Variants in HS6ST3 observed in about 807,000 individuals in gnomAD.
HS6ST3 encodes the protein heparan-sulfate 6-O-sulfotransferase 3.
A neutral mutation model predicts 36.7 loss-of-function variants in HS6ST3; 12 were observed. That is an observed-to-expected ratio of 0.33 (90% CI 0.21 to 0.53). HS6ST3 has a LOEUF of 0.53. Ranked by LOEUF, HS6ST3 falls within the 20% of genes least tolerant of loss-of-function variation. The probability of loss-of-function intolerance (pLI) is 0.95; values close to 1 mark genes in which losing one functional copy is unlikely to be tolerated. For synonymous variants in HS6ST3, 240 were observed against 257.5 expected, an observed-to-expected ratio of 0.93 and a Z score of 0.65; for missense variants, 584 against 640.9, an observed-to-expected ratio of 0.91 and a Z score of 0.96.
rs1375367859 is a variant in HS6ST3 at position 96,837,929 on chromosome 13, A to G, written c.*4731A>G. ...ACTTTGTCAGCAACATACTGCTTTCATTCTTAAAGGTTTCATTGGCTGTTA... is the reference window on the plus strand; with the variant it reads ...ACTTTGTCAGCAACATACTGCTTTCGTTCTTAAAGGTTTCATTGGCTGTTA... On this transcript the variant is annotated 3_prime_UTR_variant, in exon 2 of 2. Transcript: ENST00000376705. The G allele has an allele frequency of 6.6e-6, 1 of 151,906 alleles. No homozygotes were observed. Among genetic ancestry groups the G allele is most frequent in the Admixed American group, 6.6e-5 (1 of 15,258 alleles). The allele number at this position is 151,906 out of a possible 1,614,324, so 9.4% of individuals were successfully genotyped here.
At chr13:96,768,177 C>T (rs1020480616) in intron 1 of HS6ST3, among the ~76,000 whole-genome samples, 2 of 152,172 alleles carry the variant, frequency 1.3e-5, no homozygotes, top group Non-Finnish European at 2.9e-5. Flanking sequence ...CTCCAACCTC[C>T]TCCTCTCTTT....
intron 1 of HS6ST3, among the ~76,000 whole-genome samples, chr13:96,829,534 A>C (rs28507869): frequency 0.053 from 8,019 of 152,050 alleles, 242 homozygotes; most frequent in Middle Eastern, 0.11. Flanking sequence ...CTATGTGTCC[A>C]TGTGTTCTCA....
chr13:96,453,843 A>T (rs1010691806), intron 1 of HS6ST3, among the ~76,000 whole-genome samples: 1 of 152,158 alleles, frequency 6.6e-6, no homozygotes, highest in Non-Finnish European at 1.5e-5. Context: ...TTCTTGGCTA[A>T]CTTTTGCTGG....
rs553158355 is a variant in HS6ST3, at chr13:96,271,676, G to C, written c.707+180107G>C. On this transcript the variant is annotated intron_variant, in intron 1 of 1. Transcript: ENST00000376705. Reference sequence around the variant, plus strand: ...GCAAGTGCTTGGGAGAAGGTGACATGTAGGAATTTACGCAGAAGCTGTCTG... The same window carrying C: ...GCAAGTGCTTGGGAGAAGGTGACATCTAGGAATTTACGCAGAAGCTGTCTG... 2.6e-5 allele frequency among the ~76,000 whole-genome samples: 4 copies of C among 152,118 alleles called. No homozygotes were observed. In the South Asian group the frequency reaches 8.3e-4, roughly 32 times the overall value.
At chr13:96,697,323 T>C (rs995594834) in intron 1 of HS6ST3, among the ~76,000 whole-genome samples, 1 of 151,762 alleles carries the variant, frequency 6.6e-6, no homozygotes, top group Non-Finnish European at 1.5e-5. Flanking sequence ...AATCTAACAA[T>C]TGGAAAATAT....
intron 1 of HS6ST3, among the ~76,000 whole-genome samples, chr13:96,417,438 ATGGC>A (rs2055538942): frequency 6.6e-6 from 1 of 152,128 alleles, no homozygotes. Context: ...ATTAGAGAAT[ATGGC>A]TGTCAATGTA....
intron 1 of HS6ST3, among the ~76,000 whole-genome samples, chr13:96,611,416 A>G (rs2056456901): frequency 6.6e-6 from 1 of 152,198 alleles, no homozygotes; most frequent in Non-Finnish European, 1.5e-5. Context: ...CAAATATTTT[A>G]TTTCAACAAA....
chr13:96,159,099 G>T (rs561943395), intron 1 of HS6ST3, among the ~76,000 whole-genome samples: 1 of 152,166 alleles, frequency 6.6e-6, no homozygotes, highest in Non-Finnish European at 1.5e-5. Context: ...GGAGCAGTTG[G>T]GGGTACAGAC....
chr13:96,747,140 C>A lies in HS6ST3; in HGVS notation c.708-85350C>A, dbSNP rs35616921. The stretch of plus-strand genomic sequence containing the variant: ...ATATGGCAACAGCAGATTGCTGATG[C>A]ATTCCAGCTTTTAAGTGGGATGTTG... On this transcript the variant is annotated intron_variant, in intron 1 of 1. Coordinates refer to ENST00000376705, the MANE Select transcript of HS6ST3 (RefSeq NM_153456.4). Among the ~76,000 whole-genome samples, 108 of 152,198 alleles carry A rather than the reference C, an allele frequency of 7.1e-4. 2 individuals are homozygous for A. Among genetic ancestry groups the A allele is most frequent in the South Asian group, 1.4e-3 (7 of 4,828 alleles).
intron 1 of HS6ST3, among the ~76,000 whole-genome samples, chr13:96,203,464 G>A (rs1228212420): frequency 6.6e-6 from 1 of 152,164 alleles, no homozygotes; most frequent in East Asian, 1.9e-4. Context: ...TTGGAGATTA[G>A]CTTTCAACAT....
At chr13:96,208,219 C>A (rs1398287217) in intron 1 of HS6ST3, among the ~76,000 whole-genome samples, 2 of 152,070 alleles carry the variant, frequency 1.3e-5, no homozygotes, top group Non-Finnish European at 1.5e-5. Context: ...ATATATTGGT[C>A]TTCAACTGAC....
chr13:96,655,668 G>C (rs886126556), intron 1 of HS6ST3, among the ~76,000 whole-genome samples: 9 of 151,994 alleles, frequency 5.9e-5, no homozygotes, highest in African/African-American at 1.9e-4. Flanking sequence ...TAGTGCTGAG[G>C]AAAAACGTAC....
intron 1 of HS6ST3, among the ~76,000 whole-genome samples, chr13:96,298,203 G>A (rs943423695): frequency 3.9e-5 from 6 of 152,082 alleles, no homozygotes; most frequent in African/African-American, 1.4e-4. Flanking sequence ...GTAATTTCAT[G>A]GATTCTTTGT....
chr13:96,546,687 G>A (rs1413113364), intron 1 of HS6ST3, among the ~76,000 whole-genome samples: 1 of 152,166 alleles, frequency 6.6e-6, no homozygotes, highest in Non-Finnish European at 1.5e-5. Flanking sequence ...AACCATCGTA[G>A]GGGTGTGTTA....
chr13:96,684,701 A>G (rs987338622), intron 1 of HS6ST3, among the ~76,000 whole-genome samples: 1 of 152,034 alleles, frequency 6.6e-6, no homozygotes, highest in Non-Finnish European at 1.5e-5. Flanking sequence ...CACTCTTGCT[A>G]CTTGAACTGA....
At chr13:96,615,702 G>C (rs2056472037) in intron 1 of HS6ST3, among the ~76,000 whole-genome samples, 1 of 152,188 alleles carries the variant, frequency 6.6e-6, no homozygotes, top group African/African-American at 2.4e-5. Flanking sequence ...CTGTTAAAAG[G>C]TTCTGATGAA....
intron 1 of HS6ST3, among the ~76,000 whole-genome samples, chr13:96,260,767 GT>G (rs1176066683): frequency 6.6e-6 from 1 of 151,912 alleles, no homozygotes; most frequent in Non-Finnish European, 1.5e-5. Flanking sequence ...AGCCTCCCAA[GT>G]AGCTGGGACT....
intron 1 of HS6ST3, among the ~76,000 whole-genome samples, chr13:96,345,997 A>G (rs1479231328): frequency 6.6e-6 from 1 of 152,120 alleles, no homozygotes; most frequent in Non-Finnish European, 1.5e-5. Flanking sequence ...CGCAGCCTAG[A>G]TCCCTAACAT....
intron 1 of HS6ST3, among the ~76,000 whole-genome samples, chr13:96,761,023 G>A (rs61968183): frequency 0.039 from 5,849 of 151,870 alleles, 130 homozygotes; most frequent in African/African-American, 0.065. Flanking sequence ...AAAGACTAAT[G>A]TTAATCTTCT....
Sources: gnomAD v4.1 joint callset for allele counts (sites outside exome capture counted in the v4.1 genomes callset) on GRCh38, gnomAD v4.1.1 for gene constraint, MANE v1.5 for transcripts, NCBI Gene and HGNC (gene_info 2026-07-23, HGNC 2026-07-21) for gene names.